BMS1: variants seen among roughly 807,000 people sequenced by gnomAD.
The protein encoded by BMS1 is BMS1 ribosome biogenesis factor, also known as ribosome biogenesis protein BMS1 homolog.
BMS1 carries 53 observed loss-of-function variants against 138.7 expected under a neutral mutation model. The ratio of observed to expected loss-of-function variants is 0.38; its 90% CI spans 0.31 to 0.48. BMS1 has a LOEUF of 0.48. Ranked by LOEUF, BMS1 falls within the 20% of genes least tolerant of loss-of-function variation. The pLI is 0.97. For missense variants in BMS1, 1,360 were observed against 1,565.5 expected, an observed-to-expected ratio of 0.87 and a Z score of 2.22; for synonymous variants, 504 against 539.9, an observed-to-expected ratio of 0.93 and a Z score of 0.92.
chr10:42,796,154 T>G (rs1052074797), intron 9 of BMS1, among the ~76,000 whole-genome samples: 1 of 152,164 alleles, frequency 6.6e-6, no homozygotes, highest in African/African-American at 2.4e-5. Flanking sequence ...GCTTAGAAAT[T>G]AATCAGCTTT....
At chr10:42,819,785 C>CA (rs1554798594) in intron 15 of BMS1, among the ~76,000 whole-genome samples, 2 of 150,914 alleles carry the variant, frequency 1.3e-5, no homozygotes, top group East Asian at 3.9e-4. Flanking sequence ...ATATGTAGGT[C>CA]TTTTTTTTTG....
At chr10:42,816,740 C>G (rs1842361128) in intron 14 of BMS1, 68 bp downstream of exon 14, 1 of 1,309,584 alleles carries the variant, frequency 7.6e-7, no homozygotes. Context: ...TTGAGAAATG[C>G]AAATCTTACT....
At position 42,792,948 on chromosome 10, in the gene BMS1, G is replaced by C. The variant is rs1366737042; in HGVS notation, c.902-9G>C. The C allele has an allele frequency of 6.2e-7, 1 of 1,605,924 alleles. No individual in the cohort carries two copies. Among genetic ancestry groups the C allele is most frequent in the Non-Finnish European group, 8.5e-7 (1 of 1,176,908 alleles). ...CAGCTGAAGCTGGCTTTTGGGTTCT[G>C]TCTTCCAGGGGTAGGAGATTTTGCC... is the stretch of plus-strand genomic sequence containing the variant. On this transcript the variant is annotated splice_polypyrimidine_tract_variant and intron_variant, in intron 7 of 22. Coordinates refer to ENST00000374518, the MANE Select transcript of BMS1 (RefSeq NM_014753.4).
At chr10:42,789,311 A>G (rs7089449) in intron 4 of BMS1, among the ~76,000 whole-genome samples, 71,841 of 152,100 alleles carry the variant, frequency 0.47, 17,692 homozygotes, top group East Asian at 0.64. Context: ...AGTCCACAGT[A>G]GCAGCTGTGC....
chr10:42,805,831 G>T (rs961311460), intron 13 of BMS1, among the ~76,000 whole-genome samples: 28 of 151,970 alleles, frequency 1.8e-4, no homozygotes, highest in Admixed American at 1.2e-3. Flanking sequence ...ACAGAGTCTC[G>T]CTCTGTCACC....
chr10:42,822,496 T>A (rs1320767594), intron 19 of BMS1, among the ~76,000 whole-genome samples: 2 of 152,202 alleles, frequency 1.3e-5, no homozygotes, highest in Non-Finnish European at 2.9e-5. Flanking sequence ...CTACTTTTTT[T>A]ATTTGTGTTA....
At position 42,793,000 on chromosome 10, in the gene BMS1, C is replaced by T; in HGVS notation, c.945C>T (p.Asp315=). The T allele has an allele frequency of 6.2e-6, 10 of 1,613,834 alleles. No individual in the cohort carries two copies. The highest frequency in any genetic ancestry group is 8.5e-6 in the Non-Finnish European group (10 of 1,179,936). ...TGAGTGACATCAGTTTCCTCCCAGACCCTTGCGCTCTTCCTGAACAACAAA... is the reference window on the plus strand; with the variant it reads ...TGAGTGACATCAGTTTCCTCCCAGATCCTTGCGCTCTTCCTGAACAACAAA... ...FAVSDISFLP[D]PCALPEQQKK... Residue 315 remains aspartate (D), a synonymous_variant, in exon 8 of 23, where the codon GAC becomes GAT. Transcript: ENST00000374518.
chr10:42,807,613 A>G (rs977602770), intron 13 of BMS1, among the ~76,000 whole-genome samples: 3 of 152,150 alleles, frequency 2.0e-5, no homozygotes, highest in Non-Finnish European at 4.4e-5. Context: ...CTGGGACTAC[A>G]GGCATGCACC....
intron 12 of BMS1, among the ~76,000 whole-genome samples, chr10:42,801,491 G>T (rs561521586): frequency 6.6e-6 from 1 of 152,186 alleles, no homozygotes. Context: ...AGTTTCACCA[G>T]TTCTTCACCA....
At chr10:42,806,449 C>T (rs1159154437) in intron 13 of BMS1, among the ~76,000 whole-genome samples, 3 of 152,104 alleles carry the variant, frequency 2.0e-5, no homozygotes, top group Non-Finnish European at 1.5e-5. Flanking sequence ...TAAGAATCAC[C>T]TTTCTGGCTG....
In BMS1 at chr10:42,787,035, T is replaced by C. The variant is rs1276705546; in HGVS notation, c.368-133T>C. On this transcript the variant is annotated intron_variant, in intron 3 of 22. Coordinates refer to ENST00000374518, the MANE Select transcript of BMS1 (RefSeq NM_014753.4). Reference sequence around the variant, plus strand: ...TTTTATCAGTTTTTGCCTGTAAAAATGAACTTCTTGTATGCTCCTGTAAAT... The same window carrying C: ...TTTTATCAGTTTTTGCCTGTAAAAACGAACTTCTTGTATGCTCCTGTAAAT... The C allele has an allele frequency of 4.3e-6, 3 of 702,934 alleles. No individual in the cohort carries two copies. In the Admixed American group the frequency reaches 6.9e-5, roughly 16 times the overall value. 43.5% of individuals were successfully genotyped at this position (702,934 alleles called of 1,614,324 possible).
chr10:42,815,522 A>G (rs1842323925), intron 13 of BMS1, among the ~76,000 whole-genome samples: 1 of 152,142 alleles, frequency 6.6e-6, no homozygotes, highest in African/African-American at 2.4e-5. Context: ...ATAGCCTTCT[A>G]AACATTGCTC....
chr10:42,793,847 G>T lies in BMS1; in HGVS notation c.1090-5G>T. The T allele has an allele frequency of 1.2e-6, 2 of 1,610,206 alleles. No individual in the cohort carries two copies. The highest frequency in any genetic ancestry group is 1.7e-6 in the Non-Finnish European group (2 of 1,179,288). ...TCACGTGCCCTTTCTTGGTGGTCTT[G>T]ACAGGATGAAGTGGGGCCCACCCAT... On this transcript the variant is annotated splice_region_variant and splice_polypyrimidine_tract_variant and intron_variant, in intron 8 of 22. Coordinates refer to ENST00000374518, the MANE Select transcript of BMS1 (RefSeq NM_014753.4).
At chr10:42,806,061 A>C (rs947246286) in intron 13 of BMS1, among the ~76,000 whole-genome samples, 1 of 152,158 alleles carries the variant, frequency 6.6e-6, no homozygotes, top group African/African-American at 2.4e-5. Flanking sequence ...GGAGGGGTAA[A>C]CTTTGACTAA....
rs1434625458 is a variant in BMS1 at position 42,834,452 on chromosome 10, G to A, written c.*3356G>A. 1 of 151,774 alleles carries A rather than the reference G, an allele frequency of 6.6e-6. No individual in the cohort carries two copies. Among genetic ancestry groups the A allele is most frequent in the East Asian group, 1.9e-4 (1 of 5,186 alleles). The allele number at this position is 151,774 out of a possible 1,614,324, so 9.4% of individuals were successfully genotyped here. On this transcript the variant is annotated 3_prime_UTR_variant, in exon 23 of 23. Transcript: ENST00000374518. ...ACCGACTTCTAGTATCTAGTATTTTGCCAGACTCAGGTATTTCTTAAAGCC... is the reference window on the plus strand; with the variant it reads ...ACCGACTTCTAGTATCTAGTATTTTACCAGACTCAGGTATTTCTTAAAGCC...
intron 21 of BMS1, among the ~76,000 whole-genome samples, chr10:42,827,561 C>G (rs1842685059): frequency 6.6e-6 from 1 of 152,168 alleles, no homozygotes; most frequent in South Asian, 2.1e-4. Flanking sequence ...AACGTCAGTT[C>G]CTTCTCTGAG....
chr10:42,830,811 C>T (rs926774278), intron 22 of BMS1, 55 bp from the exon 23 acceptor site: 35 of 1,456,876 alleles, frequency 2.4e-5, no homozygotes, highest in East Asian at 1.4e-4. Flanking sequence ...GCTTAGGATG[C>T]GAGTGTGTGG....
In BMS1 at chr10:42,782,843, G is replaced by C. The variant is rs1368129000; in HGVS notation, c.-34+13G>C. ...CGGCTGCGAGCAGGTTCGGTGCTGCGGGTTGGGGTAGGCGGCGGTGGGGTC... is the reference window on the plus strand; with the variant it reads ...CGGCTGCGAGCAGGTTCGGTGCTGCCGGTTGGGGTAGGCGGCGGTGGGGTC... On this transcript the variant is annotated intron_variant, in intron 1 of 22. Coordinates refer to ENST00000374518, the MANE Select transcript of BMS1 (RefSeq NM_014753.4). 1 of 153,254 alleles carries C rather than the reference G, an allele frequency of 6.5e-6. No homozygotes were observed. The highest frequency in any genetic ancestry group is 1.5e-5 in the Non-Finnish European group (1 of 68,252). The allele number at this position is 153,254 out of a possible 1,614,324, so 9.5% of individuals were successfully genotyped here.
At chr10:42,787,302 G>A (rs1299521716) in intron 4 of BMS1, 55 bp downstream of exon 4, 1 of 909,228 alleles carries the variant, frequency 1.1e-6, no homozygotes, top group Non-Finnish European at 1.8e-6. Context: ...CATTGTGATA[G>A]GTTATTTACC....
Sources: gnomAD v4.1 joint callset for allele counts (sites outside exome capture counted in the v4.1 genomes callset) on GRCh38, gnomAD v4.1.1 for gene constraint, MANE v1.5 for transcripts, NCBI Gene and HGNC (gene_info 2026-07-23, HGNC 2026-07-21) for gene names.